Variants in COG8 observed in about 807,000 individuals in gnomAD.
COG8 encodes conserved oligomeric Golgi complex subunit 8.
Under a neutral mutation model 46.5 loss-of-function variants are expected in COG8, and 45 were observed. That is an observed-to-expected ratio of 0.97 (90% CI 0.76 to 1.24). The LOEUF (loss-of-function observed/expected upper bound fraction) is 1.24. Among genes scored for constraint, COG8 ranks in the 50% most tolerant of loss-of-function variants. The pLI is 0.00. For synonymous variants in COG8, 407 were observed against 347.8 expected (o/e 1.17, Z -1.90); for missense variants, 793 against 820.8 (o/e 0.97, Z 0.41).
intron 5 of COG8, 47 bp from the exon 6 acceptor site, chr16:69,329,226 A>C (rs1274181361): frequency 6.6e-7 from 1 of 1,514,222 alleles, no homozygotes; most frequent in African/African-American, 1.4e-5. Context: ...GCTGAACTGC[A>C]TCATCCTCAA....
At chr16:69,335,442 T>A in intron 2 of COG8, 94 bp from the exon 3 acceptor site, 1 of 1,028,254 alleles carries the variant, frequency 9.7e-7, no homozygotes. Flanking sequence ...AACATTCCCA[T>A]GGCTTTCCTG....
chr16:69,331,468 A>T (rs1170456940), intron 4 of COG8, among the ~76,000 whole-genome samples: 1 of 151,186 alleles, frequency 6.6e-6, no homozygotes, highest in Non-Finnish European at 1.5e-5. Context: ...AAAAAAAAAA[A>T]AAAAAAAAAG....
Position 69,329,154 on chromosome 16 carries a change from C to G in COG8, c.*52G>C. 1.2e-6 allele frequency: 2 copies of G among 1,607,628 alleles called. No homozygotes were observed. Among genetic ancestry groups the G allele is most frequent in the Non-Finnish European group, 1.7e-6 (2 of 1,178,566 alleles). On this transcript the variant is annotated 3_prime_UTR_variant, in exon 6 of 6. Coordinates refer to ENST00000306875, the MANE Select transcript of COG8 (RefSeq NM_032382.5). ...CTGCCCACCCGCTCGCCTGCCACACCACCTGTTCTCCATTGGGGTCCAGCC... is the reference window on the plus strand; with the variant it reads ...CTGCCCACCCGCTCGCCTGCCACACGACCTGTTCTCCATTGGGGTCCAGCC...
rs767260086 is a variant in COG8 at position 69,326,549 on chromosome 16, G to C, written c.*2657C>G. The C allele has an allele frequency of 1.3e-5, 2 of 152,192 alleles. No individual in the cohort carries two copies. Among genetic ancestry groups the C allele is most frequent in the Non-Finnish European group, 2.9e-5 (2 of 68,036 alleles). 9.4% of individuals were successfully genotyped at this position (152,192 alleles called of 1,614,324 possible). ...CTAGGGGTTAACAAAGGTTAGCATG[G>C]CTATGGTCCATCCCTGTGCTCTAGT... On this transcript the variant is annotated 3_prime_UTR_variant, in exon 6 of 6. Transcript: ENST00000306875.
intron 5 of COG8, chr16:69,330,585 CAG>C (rs1567429541): frequency 6.9e-7 from 1 of 1,442,506 alleles, no homozygotes; most frequent in Non-Finnish European, 9.0e-7. Flanking sequence ...GCCCCCTTAA[CAG>C]TGACCCGGCC....
At chr16:69,332,570 A>G in intron 4 of COG8, 144 bp downstream of exon 4, 2 of 845,836 alleles carry the variant, frequency 2.4e-6, no homozygotes, top group Non-Finnish European at 3.9e-6. Context: ...ACAAACGTGC[A>G]TGAAGGATCT....
chr16:69,331,219 G>T (rs181040346), intron 4 of COG8, 124 bp from the exon 5 acceptor site: 7 of 965,054 alleles, frequency 7.3e-6, no homozygotes, highest in South Asian at 4.2e-5. Context: ...AGGCCGGGGA[G>T]GGGGGGGCGG....
At chr16:69,330,621 G>A (rs1022034146) in intron 5 of COG8, 192 bp downstream of exon 5, 161 of 1,409,358 alleles carry the variant, frequency 1.1e-4, no homozygotes, top group Non-Finnish European at 1.5e-4. Context: ...CGCAGCGCGG[G>A]GCACGCCGGG....
chr16:69,331,242 C>T, intron 4 of COG8, 147 bp from the exon 5 acceptor site: 1 of 816,894 alleles, frequency 1.2e-6, no homozygotes. Flanking sequence ...CACCTGAGGT[C>T]AGGAATTCGA....
chr16:69,334,924 C>T lies in COG8; in HGVS notation c.1010G>A (p.Gly337Asp), dbSNP rs768468708. 3.7e-6 allele frequency: 6 copies of T among 1,614,014 alleles called. No homozygotes were observed. In the South Asian group the frequency reaches 6.6e-5, roughly 18 times the overall value. The change falls in exon 3 of 6, where the codon GGC (glycine) becomes GAC (aspartate). Residue 337 changes from glycine to aspartate, a missense_variant. Transcript: ENST00000306875. The stretch of plus-strand genomic sequence containing the variant: ...CAGAGAGTCCAGGTGGCCGCCTATG[C>T]CCCGGTAAAGGTCGGTCTCCAGCAC... ...LQVLETDLYR[G>D]IGGHLDSLLG... is the part of the protein sequence containing the mutation.
In COG8 at chr16:69,327,631, C is replaced by T. The variant is rs1219559987; in HGVS notation, c.*1575G>A. On this transcript the variant is annotated 3_prime_UTR_variant, in exon 6 of 6. Coordinates refer to ENST00000306875, the MANE Select transcript of COG8 (RefSeq NM_032382.5). ...AAACAGCTTAATGGACTTCCTACTA[C>T]TTGTATAGTTTGATTTTCAGGACTC... The T allele has an allele frequency of 6.6e-6, 1 of 152,064 alleles. No individual in the cohort carries two copies. Among genetic ancestry groups the T allele is most frequent in the African/African-American group, 2.4e-5 (1 of 41,388 alleles). 9.4% of individuals were successfully genotyped at this position (152,064 alleles called of 1,614,324 possible). A position where few individuals can be genotyped will look rare whatever the true frequency, so the allele number is the denominator to read the frequency against.
intron 1 of COG8, 87 bp from the exon 2 acceptor site, chr16:69,336,799 G>A (rs1353304524): frequency 2.6e-6 from 3 of 1,150,268 alleles, no homozygotes; most frequent in Non-Finnish European, 3.9e-6. Context: ...ATGAACATTG[G>A]GCTGGATGAT....
Position 69,339,361 on chromosome 16 carries a change from C to A in COG8, c.192G>T (p.Glu64Asp), listed in dbSNP as rs918646670. 9 of 1,585,344 alleles carry A rather than the reference C, an allele frequency of 5.7e-6. No homozygotes were observed. In the Admixed American group the frequency reaches 9.0e-5, roughly 16 times the overall value. Reference protein sequence around the residue: ...SGSGLERLRREPERLAEERAQ... With the variant: ...SGSGLERLRRDPERLAEERAQ... ...CCCGCTCCTCCGCCAGGCGCTCGGG[C>A]TCGCGCCGCAGCCGCTCCAGCCCCG... Residue 64 changes from glutamate (E) to aspartate (D), a missense_variant, in exon 1 of 6, where the codon GAG becomes GAT. By Grantham distance (45) the Glu-to-Asp change is conservative (BLOSUM62 2). Coordinates refer to ENST00000306875, the MANE Select transcript of COG8 (RefSeq NM_032382.5).
In COG8 at chr16:69,332,778, A is replaced by C; in HGVS notation, c.1518T>G (p.Leu506=). The C allele has an allele frequency of 6.2e-7, 1 of 1,614,232 alleles. No individual in the cohort carries two copies. Among genetic ancestry groups the C allele is most frequent in the Non-Finnish European group, 8.5e-7 (1 of 1,180,036 alleles). ...VQFCTVFLED[L]VPYLNRCLQV... ...GGAGACAGCGATTTAAATACGGAAC[A>C]AGGTCTTCCAGGAAGACAGTGCAGA... is the stretch of plus-strand genomic sequence containing the variant. Residue 506 remains leucine, a synonymous_variant, in exon 4 of 6, where the codon CTT becomes CTG. Coordinates refer to ENST00000306875, the MANE Select transcript of COG8 (RefSeq NM_032382.5).
chr16:69,335,809 C>CTT (rs1434122365), intron 2 of COG8, among the ~76,000 whole-genome samples: 1 of 146,152 alleles, frequency 6.8e-6, no homozygotes, highest in Admixed American at 7.0e-5. Context: ...GAGCGAGACT[C>CTT]TGTCTCAAAA....
rs1247438771 is a variant in COG8, at chr16:69,334,959, TTG to T, written c.973_974del (p.Gln325IlefsTer37). The T allele has an allele frequency of 1.2e-6, 2 of 1,613,938 alleles. No homozygotes were observed. The highest frequency in any genetic ancestry group is 2.2e-5 in the East Asian group (1 of 44,876). On this transcript the variant is annotated frameshift_variant, in exon 3 of 6. Transcript: ENST00000306875. LOFTEE classifies it high-confidence loss of function. ...GGTCGGTCTCCAGCACCTGCAGGAATTGTGAGACCTTCTGTAGCACCCAGCCA... is the reference window on the plus strand; with the variant it reads ...GGTCGGTCTCCAGCACCTGCAGGAATTGAGACCTTCTGTAGCACCCAGCCA... ...FHGWVLQKVS[Q>X]FLQVLETDLY... is the part of the protein sequence containing the mutation.
Position 69,328,820 on chromosome 16 carries a change from G to C in COG8, c.*386C>G. ...CTTTGGGGGTGATTTTTCTCCTCAA[G>C]TTGTAGCCAACATTTTGTCCGTAAC... On this transcript the variant is annotated 3_prime_UTR_variant, in exon 6 of 6. Transcript: ENST00000306875. The C allele has an allele frequency of 1.5e-6, 1 of 656,738 alleles. No homozygotes were observed. Among genetic ancestry groups the C allele is most frequent in the Non-Finnish European group, 2.5e-6 (1 of 404,498 alleles). 40.7% of individuals were successfully genotyped at this position (656,738 alleles called of 1,614,324 possible). A position where few individuals can be genotyped will look rare whatever the true frequency, so the allele number is the denominator to read the frequency against.
In COG8 at chr16:69,335,135, G is replaced by A. The variant is rs2012128823; in HGVS notation, c.799C>T (p.Pro267Ser). The A allele has an allele frequency of 4.3e-6, 7 of 1,614,186 alleles. No homozygotes were observed. The highest frequency in any genetic ancestry group is 5.9e-6 in the Non-Finnish European group (7 of 1,180,036). The change falls in exon 3 of 6, where the codon CCC becomes TCC. Residue 267 changes from proline (P) to serine (S), a missense_variant. Physicochemically the swap from Pro to Ser is moderately conservative, Grantham distance 74. Transcript: ENST00000306875. The stretch of plus-strand genomic sequence containing the variant: ...ATGGTTTTTGTAATATGGAAATAGG[G>A]ATCATCATTAGGAATGGCAGTCAGG... The part of the protein sequence containing the change: ...SILTAIPNDD[P>S]YFHITKTIEA...
chr16:69,338,845 C>T (rs2012357960), intron 1 of COG8, among the ~76,000 whole-genome samples: 1 of 152,156 alleles, frequency 6.6e-6, no homozygotes, highest in Non-Finnish European at 1.5e-5. Context: ...AAAAAATTAG[C>T]TGGGCGTGGT....
Sources: allele counts gnomAD v4.1 joint callset (sites outside exome capture counted in the v4.1 genomes callset), GRCh38; gene constraint gnomAD v4.1.1; transcripts MANE v1.5; gene names NCBI Gene and HGNC (gene_info 2026-07-23, HGNC 2026-07-21).